The following STARD13 variants were observed in gnomAD, a reference collection of about 807,000 sequenced individuals.
STARD13 encodes StAR related lipid transfer domain containing 13.
In STARD13, 62 loss-of-function variants were observed where a neutral mutation model predicts 106.4. That is an observed-to-expected ratio of 0.58 (90% CI 0.48 to 0.72). The LOEUF (loss-of-function observed/expected upper bound fraction) is 0.72, where lower values mean the gene tolerates loss of function less well. STARD13 is among the 30% of genes least tolerant of loss of function. The pLI, the probability that STARD13 is intolerant of heterozygous loss-of-function variation, is 0.00. For missense variants in STARD13, 1,387 were observed against 1,424.0 expected, an observed-to-expected ratio of 0.97 and a Z score of 0.42; for synonymous variants, 565 against 553.0, an observed-to-expected ratio of 1.02 and a Z score of -0.31.
chr13:33,470,551 G>T, the STARD13 span, among the ~76,000 whole-genome samples: 1 of 152,196 alleles, frequency 6.6e-6, no homozygotes, highest in Non-Finnish European at 1.5e-5. Context: ...CAGTGTAAAA[G>T]CATTCCTATT....
At chr13:33,415,566 T>C in the STARD13 span, among the ~76,000 whole-genome samples, 2 of 152,200 alleles carry the variant, frequency 1.3e-5, no homozygotes, top group Non-Finnish European at 2.9e-5. Context: ...GATGTTCTTT[T>C]TTTTGTTGTT....
chr13:33,557,879 T>G, the STARD13 span, among the ~76,000 whole-genome samples: 1 of 152,220 alleles, frequency 6.6e-6, no homozygotes, highest in African/African-American at 2.4e-5. Flanking sequence ...GAGAACGAGA[T>G]GTTGACATGA....
At chr13:33,497,713 C>A in the STARD13 span, among the ~76,000 whole-genome samples, 3 of 152,108 alleles carry the variant, frequency 2.0e-5, no homozygotes, top group Non-Finnish European at 4.4e-5. Context: ...ACTGTAGTTT[C>A]AACATCCACC....
At chr13:33,635,295 C>T in the STARD13 span, among the ~76,000 whole-genome samples, 1 of 152,116 alleles carries the variant, frequency 6.6e-6, no homozygotes, top group Non-Finnish European at 1.5e-5. Flanking sequence ...TGCTCTATAT[C>T]CTTGATTTAG....
chr13:33,560,017 T>C, the STARD13 span, among the ~76,000 whole-genome samples: 2 of 151,632 alleles, frequency 1.3e-5, no homozygotes, highest in Non-Finnish European at 2.9e-5. Flanking sequence ...ATGCCTGTTA[T>C]TTAAGCCATC....
At chr13:33,131,418 C>A (rs1396567471) in intron 4 of STARD13, among the ~76,000 whole-genome samples, 3 of 136,560 alleles carry the variant, frequency 2.2e-5, no homozygotes, top group South Asian at 2.6e-4. Flanking sequence ...ACAGTGTAGT[C>A]CAAATCGAAT....
the STARD13 span, among the ~76,000 whole-genome samples, chr13:33,433,619 C>T: frequency 2.0e-5 from 3 of 152,140 alleles, no homozygotes; most frequent in African/African-American, 7.2e-5. Flanking sequence ...GAGATCAGAC[C>T]TCTTGCGTTC....
intron 1 of STARD13, among the ~76,000 whole-genome samples, chr13:33,320,163 G>C (rs1893501978): frequency 6.6e-6 from 1 of 152,236 alleles, no homozygotes. Context: ...TGCAGATAGA[G>C]ATGTGTTTTG....
At chr13:33,307,343 T>C (rs780749083) in intron 1 of STARD13, among the ~76,000 whole-genome samples, 2 of 152,154 alleles carry the variant, frequency 1.3e-5, no homozygotes, top group Non-Finnish European at 1.5e-5. Flanking sequence ...CATTCTGTTA[T>C]AAAGATACAT....
At chr13:33,183,985 G>A (rs113094280) in intron 1 of STARD13, among the ~76,000 whole-genome samples, 9 of 152,150 alleles carry the variant, frequency 5.9e-5, no homozygotes, top group East Asian at 1.9e-4. Flanking sequence ...CTATGACTAC[G>A]CTGGTTCTCA....
chr13:33,321,160 C>T (rs976181552), intron 1 of STARD13, among the ~76,000 whole-genome samples: 6 of 152,120 alleles, frequency 3.9e-5, no homozygotes, highest in African/African-American at 1.4e-4. Context: ...TTGTAGACAG[C>T]ATTCCCTCCA....
At chr13:33,108,968 C>T (rs1052686996) in intron 12 of STARD13, among the ~76,000 whole-genome samples, 1 of 152,180 alleles carries the variant, frequency 6.6e-6, no homozygotes, top group African/African-American at 2.4e-5. Context: ...GAAAATTGAC[C>T]TTTAAAAGTC....
chr13:33,162,169 A>T (rs941791796), intron 3 of STARD13, among the ~76,000 whole-genome samples: 2 of 152,232 alleles, frequency 1.3e-5, no homozygotes, highest in African/African-American at 4.8e-5. Context: ...TCATTTCAGC[A>T]TTAACCCAAA....
At chr13:33,234,738 A>C (rs1889101280) in intron 1 of STARD13, among the ~76,000 whole-genome samples, 1 of 152,204 alleles carries the variant, frequency 6.6e-6, no homozygotes, top group African/African-American at 2.4e-5. Flanking sequence ...AGCATGGAAA[A>C]TAATTGTTAC....
the STARD13 span, among the ~76,000 whole-genome samples, chr13:33,367,601 C>T: frequency 3.9e-5 from 6 of 151,990 alleles, no homozygotes; most frequent in African/African-American, 1.4e-4. Flanking sequence ...GTTTCATAGC[C>T]ATTTGTTTAA....
intron 4 of STARD13, among the ~76,000 whole-genome samples, chr13:33,131,344 C>T (rs1188050250): frequency 6.6e-6 from 1 of 152,198 alleles, no homozygotes; most frequent in Non-Finnish European, 1.5e-5. Flanking sequence ...CTCTCTGGAT[C>T]TGTTACAGTA....
chr13:33,667,478 A>G, the STARD13 span, among the ~76,000 whole-genome samples: 1 of 152,232 alleles, frequency 6.6e-6, no homozygotes, highest in Admixed American at 6.5e-5. Flanking sequence ...TCTAGTTCAT[A>G]TAGATGCACA....
the STARD13 span, among the ~76,000 whole-genome samples, chr13:33,386,956 A>G: frequency 6.6e-6 from 1 of 152,250 alleles, no homozygotes; most frequent in South Asian, 2.1e-4. Flanking sequence ...CCAATTCTGC[A>G]TAGGCCTGCT....
At chr13:33,363,669 G>A in the STARD13 span, among the ~76,000 whole-genome samples, 1 of 152,190 alleles carries the variant, frequency 6.6e-6, no homozygotes, top group Admixed American at 6.5e-5. Context: ...CTTCTGCCTG[G>A]AGCACACTGA....
Sources: gnomAD v4.1 joint callset for allele counts (sites outside exome capture counted in the v4.1 genomes callset) on GRCh38, gnomAD v4.1.1 for gene constraint, MANE v1.5 for transcripts, NCBI Gene and HGNC (gene_info 2026-07-23, HGNC 2026-07-21) for gene names.